DDX10: variants seen among roughly 807,000 people sequenced by gnomAD.
DDX10 encodes the protein DEAD-box helicase 10.
DDX10 carries 74 observed loss-of-function variants against 104.3 expected under a neutral mutation model. The ratio of observed to expected loss-of-function variants is 0.71; its 90% confidence interval spans 0.59 to 0.86. DDX10 has a LOEUF of 0.86. DDX10 is among the 40% of genes least tolerant of loss of function. The pLI is 0.00. For missense variants in DDX10, 952 were observed against 1,040.0 expected (o/e 0.92, Z 1.16); for synonymous variants, 351 against 353.4 (o/e 0.99, Z 0.08).
At chr11:108,782,907 C>G (rs573650274) in intron 13 of DDX10, among the ~76,000 whole-genome samples, 13 of 152,246 alleles carry the variant, frequency 8.5e-5, no homozygotes, top group African/African-American at 3.1e-4. Context: ...GCAATCCTTC[C>G]ACTCCCCTCA....
chr11:108,916,720 G>A (rs1004033582), intron 16 of DDX10, among the ~76,000 whole-genome samples: 6 of 152,116 alleles, frequency 3.9e-5, no homozygotes, highest in Admixed American at 3.9e-4. Flanking sequence ...AAATGCATGT[G>A]CCACTGCTTG....
chr11:108,938,068 A>T (rs953694427), intron 17 of DDX10, among the ~76,000 whole-genome samples: 2 of 152,186 alleles, frequency 1.3e-5, no homozygotes, highest in East Asian at 3.8e-4. Flanking sequence ...CCCTCGGCTT[A>T]GTGGAGAACA....
intron 16 of DDX10, 87 bp from the exon 17 acceptor site, chr11:108,917,786 G>A: frequency 1.5e-6 from 2 of 1,322,658 alleles, no homozygotes; most frequent in Admixed American, 1.9e-5. Context: ...GTCAATTAGA[G>A]GGATATCCAT....
At chr11:108,926,860 A>G (rs1324473818) in intron 17 of DDX10, among the ~76,000 whole-genome samples, 1 of 152,238 alleles carries the variant, frequency 6.6e-6, no homozygotes, top group Admixed American at 6.5e-5. Flanking sequence ...GATGATCACA[A>G]GCTCATGTAT....
intron 13 of DDX10, among the ~76,000 whole-genome samples, chr11:108,832,375 G>A (rs933143754): frequency 6.6e-6 from 1 of 152,002 alleles, no homozygotes; most frequent in Admixed American, 6.6e-5. Context: ...AAATCATAGC[G>A]AAATAACAAG....
intron 16 of DDX10, among the ~76,000 whole-genome samples, chr11:108,896,723 G>T (rs1002892280): frequency 8.5e-5 from 13 of 152,090 alleles, no homozygotes; most frequent in African/African-American, 2.9e-4. Flanking sequence ...TATCTTAGTT[G>T]CTTCTCTGAT....
chr11:108,780,760 T>G (rs1317573269), intron 13 of DDX10, among the ~76,000 whole-genome samples: 1 of 152,220 alleles, frequency 6.6e-6, no homozygotes. Context: ...TTGCTCTTTT[T>G]ATTTGGATGG....
chr11:108,911,553 C>CTTTTTTTTTTTTTT (rs1565316439), intron 16 of DDX10, among the ~76,000 whole-genome samples: 1 of 117,146 alleles, frequency 8.5e-6, no homozygotes, highest in Non-Finnish European at 1.7e-5. Flanking sequence ...TTTGCCTCCT[C>CTTTTTTTTTTTTTT]TTCTTTTTTT....
At chr11:108,773,495 C>G (rs1362728325) in intron 13 of DDX10, among the ~76,000 whole-genome samples, 2 of 152,086 alleles carry the variant, frequency 1.3e-5, no homozygotes, top group African/African-American at 2.4e-5. Flanking sequence ...CAAATGATGT[C>G]TAGGAGATCC....
At chr11:108,775,025 A>G (rs1224103132) in intron 13 of DDX10, among the ~76,000 whole-genome samples, 1 of 152,244 alleles carries the variant, frequency 6.6e-6, no homozygotes, top group Non-Finnish European at 1.5e-5. Context: ...AGGAAACACT[A>G]CCAACTAGGT....
intron 16 of DDX10, among the ~76,000 whole-genome samples, chr11:108,854,426 T>A (rs1702741108): frequency 6.6e-6 from 1 of 152,222 alleles, no homozygotes; most frequent in Admixed American, 6.5e-5. Flanking sequence ...AACCTAATCA[T>A]TGTGTTACTT....
intron 13 of DDX10, among the ~76,000 whole-genome samples, chr11:108,746,554 A>G (rs1449161546): frequency 6.7e-6 from 1 of 149,590 alleles, no homozygotes; most frequent in African/African-American, 2.4e-5. Flanking sequence ...TCTTTTGGGT[A>G]TATACACCTA....
In DDX10 at chr11:108,677,184, G is replaced by A; in HGVS notation, c.478G>A (p.Val160Ile). ...TRELAYQTFEVLRKVGKNHDF... is the reference protein window; with the variant it reads ...TRELAYQTFEILRKVGKNHDF... ...AGAACTGGCCTATCAGACCTTTGAG[G>A]TTCTCCGAAAAGTAGGAAAGAATCA... Residue 160 changes from valine (V) to isoleucine (I), a missense_variant, in exon 4 of 18, where the codon GTT (valine) becomes ATT (isoleucine). By Grantham distance (29) the Val-to-Ile change is conservative. This residue lies in a region of DDX10 where 412 missense variants were observed against 479.2 expected (regional missense o/e 0.86). Coordinates refer to ENST00000322536, the MANE Select transcript of DDX10 (RefSeq NM_004398.4). 1 of 1,613,956 alleles carries A rather than the reference G, an allele frequency of 6.2e-7. No homozygotes were observed. The highest frequency in any genetic ancestry group is 8.5e-7 in the Non-Finnish European group (1 of 1,179,950).
intron 13 of DDX10, among the ~76,000 whole-genome samples, chr11:108,738,538 C>T (rs1318044412): frequency 6.6e-6 from 1 of 152,090 alleles, no homozygotes; most frequent in Non-Finnish European, 1.5e-5. Context: ...GCCCACCTAT[C>T]TAGTTTCCAG....
intron 13 of DDX10, among the ~76,000 whole-genome samples, chr11:108,803,857 T>G (rs1862059915): frequency 6.6e-6 from 1 of 152,178 alleles, no homozygotes; most frequent in African/African-American, 2.4e-5. Context: ...AATGAGTACC[T>G]TTAGTTGCCT....
chr11:108,778,195 T>C (rs1468488291), intron 13 of DDX10, among the ~76,000 whole-genome samples: 1 of 152,082 alleles, frequency 6.6e-6, no homozygotes, highest in Non-Finnish European at 1.5e-5. Context: ...AAAAACTACT[T>C]TAAAGTTCAT....
rs543424041 is a variant in DDX10 at position 108,688,343 on chromosome 11, A to G, written c.849-593A>G. Among the ~76,000 whole-genome samples, 4 of 152,334 alleles carry G rather than the reference A, an allele frequency of 2.6e-5. No homozygotes were observed. In the East Asian group the frequency reaches 7.7e-4, roughly 29 times the overall value. ...CTTCTACCATAAATACCTTATACCA[A>G]ACACCTAGATACTATCTAATGGTAG... On this transcript the variant is annotated intron_variant, in intron 6 of 17. Transcript: ENST00000322536.
chr11:108,773,066 G>T (rs1227548397), intron 13 of DDX10, among the ~76,000 whole-genome samples: 1 of 152,194 alleles, frequency 6.6e-6, no homozygotes, highest in African/African-American at 2.4e-5. Flanking sequence ...TCTTCTTTGA[G>T]ACTCTGGAGT....
At chr11:108,737,126 T>C (rs1372184996) in intron 13 of DDX10, among the ~76,000 whole-genome samples, 4 of 152,328 alleles carry the variant, frequency 2.6e-5, no homozygotes, top group South Asian at 4.1e-4. Context: ...AAGGCATTCA[T>C]TGACAACACT....
Sources: allele counts gnomAD v4.1 joint callset (sites outside exome capture counted in the v4.1 genomes callset), GRCh38; gene constraint gnomAD v4.1.1; regional missense constraint gnomAD v4.1.1; transcripts MANE v1.5; gene names NCBI Gene and HGNC (gene_info 2026-07-23, HGNC 2026-07-21).